Variants in CAMKMT observed in about 807,000 individuals in gnomAD.
The protein encoded by CAMKMT is calmodulin-lysine N-methyltransferase.
In CAMKMT, 53 loss-of-function variants were observed where a neutral mutation model predicts 48.0. That is an observed-to-expected ratio of 1.10 (90% CI 0.89 to 1.39). The LOEUF (loss-of-function observed/expected upper bound fraction) is 1.39, where lower values mean the gene tolerates loss of function less well. Among genes scored for constraint, CAMKMT ranks in the 40% most tolerant of loss-of-function variants. The probability of loss-of-function intolerance (pLI) is 0.00; values close to 1 mark genes in which losing one functional copy is unlikely to be tolerated. For synonymous variants in CAMKMT, 165 were observed against 152.3 expected, an observed-to-expected ratio of 1.08 and a Z score of -0.61; for missense variants, 428 against 402.7, an observed-to-expected ratio of 1.06 and a Z score of -0.54.
intron 3 of CAMKMT, among the ~76,000 whole-genome samples, chr2:44,444,009 A>G (rs181658318): frequency 6.6e-6 from 1 of 152,362 alleles, no homozygotes; most frequent in East Asian, 1.9e-4. Flanking sequence ...CAAGAAGGGT[A>G]TGCTGGAAAA....
At chr2:44,376,116 A>T (rs80215045) in intron 2 of CAMKMT, among the ~76,000 whole-genome samples, 3,238 of 151,988 alleles carry the variant, frequency 0.021, 120 homozygotes, top group African/African-American at 0.073. Flanking sequence ...GGGGCTAAGC[A>T]TTGGAGATTT....
intron 3 of CAMKMT, among the ~76,000 whole-genome samples, chr2:44,610,090 A>AGTGAT (rs1211855200): frequency 6.6e-6 from 1 of 152,208 alleles, no homozygotes; most frequent in Non-Finnish European, 1.5e-5. Context: ...TTTATATTAT[A>AGTGAT]TACCTTGATT....
At chr2:44,374,656 A>G (rs1679500932) in intron 2 of CAMKMT, among the ~76,000 whole-genome samples, 2 of 152,232 alleles carry the variant, frequency 1.3e-5, no homozygotes, top group South Asian at 4.1e-4. Context: ...ATGTAGTACT[A>G]TCCAGAGCCC....
chr2:44,389,132 G>T (rs564500735), intron 2 of CAMKMT, among the ~76,000 whole-genome samples: 1 of 152,104 alleles, frequency 6.6e-6, no homozygotes, highest in Non-Finnish European at 1.5e-5. Context: ...TCATGTAGGG[G>T]CAGGGCTAGG....
intron 3 of CAMKMT, among the ~76,000 whole-genome samples, chr2:44,436,278 A>G (rs1207793765): frequency 6.6e-6 from 1 of 152,082 alleles, no homozygotes; most frequent in East Asian, 1.9e-4. Flanking sequence ...GGGTTTCACC[A>G]TGTTGGCCAG....
At chr2:44,391,861 T>C (rs1681375038) in intron 3 of CAMKMT, 1 of 153,024 alleles carries the variant, frequency 6.5e-6, no homozygotes, top group Non-Finnish European at 1.5e-5. Flanking sequence ...GGGTGTTTTT[T>C]CACTGTTGTC....
chr2:44,686,950 T>C (rs895335609), intron 3 of CAMKMT, among the ~76,000 whole-genome samples: 2 of 152,256 alleles, frequency 1.3e-5, no homozygotes, highest in Non-Finnish European at 2.9e-5. Flanking sequence ...GCTTTAAAGT[T>C]TGTATTTTCT....
intron 7 of CAMKMT, among the ~76,000 whole-genome samples, chr2:44,731,448 C>A (rs1050130944): frequency 2.0e-5 from 3 of 152,118 alleles, no homozygotes; most frequent in Non-Finnish European, 4.4e-5. Flanking sequence ...AAAATAAATT[C>A]TTTAAACCTC....
At chr2:44,633,561 T>G (rs1393696200) in intron 3 of CAMKMT, among the ~76,000 whole-genome samples, 1 of 152,214 alleles carries the variant, frequency 6.6e-6, no homozygotes, top group African/African-American at 2.4e-5. Flanking sequence ...CGACAAAATT[T>G]TAATTTCAGG....
intron 3 of CAMKMT, among the ~76,000 whole-genome samples, chr2:44,397,158 C>T (rs1681931970): frequency 6.6e-6 from 1 of 152,034 alleles, no homozygotes; most frequent in Non-Finnish European, 1.5e-5. Flanking sequence ...GTATTAGTCC[C>T]CCATTACACT....
At chr2:44,592,273 T>C (rs1170270646) in intron 3 of CAMKMT, among the ~76,000 whole-genome samples, 1 of 143,246 alleles carries the variant, frequency 7.0e-6, no homozygotes, top group Non-Finnish European at 1.5e-5. Flanking sequence ...ACTGCAATAT[T>C]CAGGTTATTT....
intron 3 of CAMKMT, among the ~76,000 whole-genome samples, chr2:44,423,104 G>A (rs1464379915): frequency 6.6e-6 from 1 of 152,124 alleles, no homozygotes; most frequent in African/African-American, 2.4e-5. Context: ...TGATCATCCT[G>A]GTTTCAGTAG....
intron 2 of CAMKMT, among the ~76,000 whole-genome samples, chr2:44,383,535 C>T (rs763756539): frequency 1.6e-4 from 25 of 152,044 alleles, no homozygotes; most frequent in Admixed American, 3.3e-4. Context: ...TATTTGGTTG[C>T]ATAAGTAAGT....
chr2:44,766,403 A>G (rs343937), intron 9 of CAMKMT, 27 bp from the exon 10 acceptor site: 246,036 of 1,611,842 alleles, frequency 0.15, 19,782 homozygotes, highest in African/African-American at 0.21. Flanking sequence ...GTTTTAAAAT[A>G]TGTGAATTTC....
At chr2:44,633,300 A>T (rs1031893125) in intron 3 of CAMKMT, among the ~76,000 whole-genome samples, 2 of 151,996 alleles carry the variant, frequency 1.3e-5, no homozygotes, top group Non-Finnish European at 1.5e-5. Flanking sequence ...TGCTGGCCTT[A>T]TGTATCTTTG....
chr2:44,514,194 A>G (rs569987790), intron 3 of CAMKMT, among the ~76,000 whole-genome samples: 1 of 152,008 alleles, frequency 6.6e-6, no homozygotes, highest in South Asian at 2.1e-4. Context: ...TCATTAGAGG[A>G]GGTGAAGAAT....
chr2:44,660,403 G>A (rs562016433), intron 3 of CAMKMT, among the ~76,000 whole-genome samples: 1 of 152,322 alleles, frequency 6.6e-6, no homozygotes, highest in Admixed American at 6.5e-5. Flanking sequence ...TTTGAGAACT[G>A]CTGCTGTATA....
chr2:44,507,760 A>G (rs562106027), intron 3 of CAMKMT, among the ~76,000 whole-genome samples: 1 of 152,184 alleles, frequency 6.6e-6, no homozygotes, highest in Non-Finnish European at 1.5e-5. Flanking sequence ...CTAGACTGAG[A>G]GGAGTTTAGC....
chr2:44,493,632 T>C (rs1669619742), intron 3 of CAMKMT, among the ~76,000 whole-genome samples: 1 of 152,246 alleles, frequency 6.6e-6, no homozygotes, highest in African/African-American at 2.4e-5. Flanking sequence ...TTTTTGCCTG[T>C]TGCCATTGAC....
Sources: allele counts gnomAD v4.1 joint callset (sites outside exome capture counted in the v4.1 genomes callset), GRCh38; gene constraint gnomAD v4.1.1; transcripts MANE v1.5; gene names NCBI Gene and HGNC (gene_info 2026-07-23, HGNC 2026-07-21).